The following DPEP1 variants were observed in gnomAD, a reference collection of about 807,000 sequenced individuals.
The protein encoded by DPEP1 is dipeptidase 1, also known as beta-lactamase.
Under a neutral mutation model 42.3 loss-of-function variants are expected in DPEP1, and 50 were observed. That is an observed-to-expected ratio of 1.18 (90% CI 0.94 to 1.50). DPEP1 has a LOEUF of 1.50. Among genes scored for constraint, DPEP1 ranks in the 40% most tolerant of loss-of-function variants. DPEP1 has a pLI of 0.00. For synonymous variants in DPEP1, 297 were observed against 234.0 expected (o/e 1.27, Z -2.46); for missense variants, 663 against 553.0 (o/e 1.20, Z -1.99).
intron 1 of DPEP1, among the ~76,000 whole-genome samples, chr16:89,629,169 A>T (rs943616483): frequency 6.6e-6 from 1 of 152,218 alleles, no homozygotes; most frequent in Non-Finnish European, 1.5e-5. Context: ...TTTTTTTTAC[A>T]TGAATTCTGA....
Position 89,638,242 on chromosome 16 carries a change from C to T in DPEP1, c.*20C>T. 3 of 1,511,804 alleles carry T rather than the reference C, an allele frequency of 2.0e-6. No homozygotes were observed. The highest frequency in any genetic ancestry group is 2.7e-6 in the Non-Finnish European group (3 of 1,126,486). 93.6% of individuals were successfully genotyped at this position (1,511,804 alleles called of 1,614,324 possible). A position where few individuals can be genotyped will look rare whatever the true frequency, so the allele number is the denominator to read the frequency against. On this transcript the variant is annotated 3_prime_UTR_variant, in exon 11 of 11. Coordinates refer to ENST00000690203, the MANE Select transcript of DPEP1 (RefSeq NM_001389466.1). The stretch of plus-strand genomic sequence containing the variant: ...CTGTGAAACCTGGGAGACCAGAGTC[C>T]CCTTTAGGGTTCCCGGAGCTCCGGG...
chr16:89,620,409 C>G (rs1367118730), intron 1 of DPEP1, among the ~76,000 whole-genome samples: 1 of 152,160 alleles, frequency 6.6e-6, no homozygotes, highest in Non-Finnish European at 1.5e-5. Flanking sequence ...GGCAGATACC[C>G]TACACTACTG....
intron 6 of DPEP1, 57 bp downstream of exon 6, chr16:89,636,992 G>T: frequency 1.2e-6 from 2 of 1,601,216 alleles, no homozygotes; most frequent in Admixed American, 1.7e-5. Flanking sequence ...GCCCTGGAGG[G>T]TGACCAGAAC....
At chr16:89,634,220 C>G (rs2059629915) in intron 2 of DPEP1, among the ~76,000 whole-genome samples, 1 of 151,476 alleles carries the variant, frequency 6.6e-6, no homozygotes, top group Admixed American at 6.6e-5. Flanking sequence ...TCTTGAGTAG[C>G]TGGGACTACA....
chr16:89,639,865 C>T (rs564764810), downstream of DPEP1, among the ~76,000 whole-genome samples: 11 of 152,186 alleles, frequency 7.2e-5, no homozygotes, highest in African/African-American at 2.4e-4. Flanking sequence ...TTAGTAGAGA[C>T]GAGGTTTCAC....
chr16:89,634,233 C>T (rs960211095), intron 2 of DPEP1, among the ~76,000 whole-genome samples: 19 of 151,804 alleles, frequency 1.3e-4, no homozygotes, highest in African/African-American at 4.4e-4. Context: ...GGACTACAGG[C>T]ACCCGCCACC....
chr16:89,618,831 C>G (rs550735635), intron 1 of DPEP1, among the ~76,000 whole-genome samples: 2 of 152,104 alleles, frequency 1.3e-5, no homozygotes, highest in African/African-American at 2.4e-5. Flanking sequence ...GGTAGGAACC[C>G]TGCACAAAAC....
chr16:89,616,306 G>A (rs779776483), intron 1 of DPEP1, among the ~76,000 whole-genome samples: 7 of 152,068 alleles, frequency 4.6e-5, no homozygotes, highest in Non-Finnish European at 7.4e-5. Context: ...CACAGCCAGC[G>A]GGTCCTGGGT....
intron 1 of DPEP1, among the ~76,000 whole-genome samples, chr16:89,622,467 G>A (rs1406106978): frequency 6.6e-6 from 1 of 152,192 alleles, no homozygotes; most frequent in Non-Finnish European, 1.5e-5. Flanking sequence ...GTCCACGAAG[G>A]TGAGAGGAAA....
downstream of DPEP1, among the ~76,000 whole-genome samples, chr16:89,640,779 T>C (rs1340145044): frequency 3.3e-5 from 5 of 152,100 alleles, 1 homozygote; most frequent in South Asian, 1.0e-3. Flanking sequence ...TCTCCTCGTG[T>C]ACGGAGACGA....
intron 1 of DPEP1, chr16:89,620,785 C>T (rs571770700): frequency 5.3e-5 from 8 of 152,212 alleles, no homozygotes; most frequent in Non-Finnish European, 8.8e-5. Flanking sequence ...TGGTGAGTCT[C>T]GGGGAGCGGG....
rs763369214 is a variant in DPEP1, at chr16:89,636,899, C to T, written c.555C>T (p.Ser185=). 1.6e-5 allele frequency: 26 copies of T among 1,612,354 alleles called. No individual in the cohort carries two copies. Among genetic ancestry groups the T allele is most frequent in the South Asian group, 8.8e-5 (8 of 91,070 alleles). The change falls in exon 6 of 11, where the codon AGC becomes AGT. Residue 185 remains serine (S), a synonymous_variant. Transcript: ENST00000690203. Reference sequence around the variant, plus strand: ...ACTGGCTGGTGGACACGGGAGACAGCGAGCCCCAGAGCCAAGGCTTGTCAC... The same window carrying T: ...ACTGGCTGGTGGACACGGGAGACAGTGAGCCCCAGAGCCAAGGCTTGTCAC... ...ADNWLVDTGD[S]EPQSQGLSPF... is the part of the protein sequence containing the mutation.
intron 1 of DPEP1, among the ~76,000 whole-genome samples, chr16:89,627,269 T>G (rs1186094180): frequency 9.9e-6 from 1 of 100,624 alleles, no homozygotes; most frequent in African/African-American, 3.8e-5. Context: ...TGAGACTCCG[T>G]CTCAAAAAAA....
At chr16:89,615,799 C>T (rs1346010528) in intron 1 of DPEP1, among the ~76,000 whole-genome samples, 3 of 152,182 alleles carry the variant, frequency 2.0e-5, no homozygotes, top group African/African-American at 7.2e-5. Context: ...CACGGGGGCC[C>T]CGGGGTCCTG....
chr16:89,634,316 T>C (rs2059631688), intron 2 of DPEP1, among the ~76,000 whole-genome samples: 1 of 152,070 alleles, frequency 6.6e-6, no homozygotes, highest in Non-Finnish European at 1.5e-5. Flanking sequence ...CTCGATCTCC[T>C]GACCTTGTGA....
At chr16:89,629,078 C>T (rs1433056601) in intron 1 of DPEP1, among the ~76,000 whole-genome samples, 7 of 152,176 alleles carry the variant, frequency 4.6e-5, no homozygotes, top group African/African-American at 1.4e-4. Context: ...CCATCCGCTT[C>T]GGCCTCCCAA....
Position 89,630,517 on chromosome 16 carries a change from G to T in DPEP1, c.104+3G>T. On this transcript the variant is annotated splice_donor_region_variant and intron_variant, in intron 2 of 10. Coordinates refer to ENST00000690203, the MANE Select transcript of DPEP1 (RefSeq NM_001389466.1). ...AGGGACTCCCCTGTCATTGATGGGT[G>T]AGTGCTCACCTGAGCCAGGTGCTTA... The T allele has an allele frequency of 6.3e-7, 1 of 1,584,074 alleles. No homozygotes were observed. Among genetic ancestry groups the T allele is most frequent in the South Asian group, 1.1e-5 (1 of 89,712 alleles).
chr16:89,629,728 G>A (rs1016032711), intron 1 of DPEP1, among the ~76,000 whole-genome samples: 3 of 152,222 alleles, frequency 2.0e-5, no homozygotes, highest in African/African-American at 4.8e-5. Context: ...CGGTTCTAAG[G>A]ACGTGTCTAG....
At chr16:89,625,696 T>TG (rs2059502589) in intron 1 of DPEP1, among the ~76,000 whole-genome samples, 1 of 152,134 alleles carries the variant, frequency 6.6e-6, no homozygotes, top group African/African-American at 2.4e-5. Flanking sequence ...CTGGAAACTC[T>TG]GGGACAAACT....
Sources: gnomAD v4.1 joint callset for allele counts (sites outside exome capture counted in the v4.1 genomes callset) on GRCh38, gnomAD v4.1.1 for gene constraint, MANE v1.5 for transcripts, NCBI Gene and HGNC (gene_info 2026-07-23, HGNC 2026-07-21) for gene names.